Variants in FGD1 observed in about 807,000 individuals in gnomAD.
The protein encoded by FGD1 is FYVE, RhoGEF and PH domain-containing protein 1.
Under a neutral mutation model 65.0 loss-of-function variants are expected in FGD1, and 12 were observed. That is an observed-to-expected ratio of 0.18 (90% CI 0.12 to 0.30). The LOEUF is 0.30. FGD1 is among the 10% of genes least tolerant of loss of function. FGD1 has a pLI of 1.00. For synonymous variants in FGD1, 333 were observed against 343.9 expected, an observed-to-expected ratio of 0.97 and a Z score of 0.35; for missense variants, 542 against 837.6, an observed-to-expected ratio of 0.65 and a Z score of 4.36.
chrX:54,460,623 C>T (rs1432682837), intron 8 of FGD1, among the ~76,000 whole-genome samples: 1 of 111,263 alleles, frequency 9.0e-6, no homozygotes, highest in Non-Finnish European at 1.9e-5. Context: ...TGCCTGTAAT[C>T]CCAGCTACTT....
intron 5 of FGD1, 109 bp from the exon 6 acceptor site, chrX:54,468,041 G>T: frequency 1.4e-6 from 1 of 693,562 alleles, no homozygotes; most frequent in Non-Finnish European, 2.2e-6. Flanking sequence ...ATCAGCATTG[G>T]TCTTGAGACT....
intron 1 of FGD1, among the ~76,000 whole-genome samples, chrX:54,486,764 G>A (rs953652201): frequency 3.8e-5 from 4 of 105,416 alleles, no homozygotes; most frequent in Non-Finnish European, 5.9e-5. Context: ...CAAGGCGGGC[G>A]GATCACAAGG....
chrX:54,455,969 C>T (rs1321021236), intron 10 of FGD1, among the ~76,000 whole-genome samples, 185 bp from the exon 11 acceptor site: 2 of 112,059 alleles, frequency 1.8e-5, no homozygotes, highest in African/African-American at 6.5e-5. Flanking sequence ...TGGGGAACCT[C>T]GGGCAAGTCA....
chrX:54,462,416 G>A (rs1167462593), intron 8 of FGD1, among the ~76,000 whole-genome samples: 1 of 88,392 alleles, frequency 1.1e-5, no homozygotes, highest in African/African-American at 4.4e-5. Flanking sequence ...TTTTTGAGAT[G>A]GAGTCTCACT....
At chrX:54,452,702 C>T (rs1922408674) in intron 12 of FGD1, among the ~76,000 whole-genome samples, 2 of 111,320 alleles carry the variant, frequency 1.8e-5, no homozygotes, top group African/African-American at 6.5e-5. Flanking sequence ...GCCGAGATGG[C>T]GCCACTGCAC....
Position 54,449,282 on chromosome X carries a change from C to G in FGD1, c.2149-14G>C, listed in dbSNP as rs1238754018. On this transcript the variant is annotated splice_polypyrimidine_tract_variant and intron_variant, in intron 14 of 17. Transcript: ENST00000375135. ...AAGATCCACGTTCTGTAGGGAGGGC[C>G]AGGTCTCAGGTCAGAGACAGCTACT... 8.3e-7 allele frequency: 1 copy of G among 1,210,246 alleles called. No homozygotes were observed.
intron 1 of FGD1, among the ~76,000 whole-genome samples, chrX:54,480,657 CTT>C (rs1474828783): frequency 5.9e-5 from 6 of 100,946 alleles, no homozygotes; most frequent in Non-Finnish European, 6.1e-5. Context: ...GATTTTTCTT[CTT>C]TTTTTTTTTT....
At chrX:54,456,613 G>A (rs770723635) in intron 8 of FGD1, 46 bp from the exon 9 acceptor site, 72 of 1,063,986 alleles carry the variant, frequency 6.8e-5, no homozygotes, top group Non-Finnish European at 9.0e-5. Context: ...TAGCAGAGAG[G>A]AGCCTTTCCG....
chrX:54,491,779 T>C (rs1405593827), intron 1 of FGD1, among the ~76,000 whole-genome samples: 2 of 111,218 alleles, frequency 1.8e-5, no homozygotes, highest in African/African-American at 6.5e-5. Flanking sequence ...ATTCTGATGC[T>C]CACTCAGTTA....
At chrX:54,464,863 G>A (rs895534044) in intron 8 of FGD1, among the ~76,000 whole-genome samples, 8 of 109,936 alleles carry the variant, frequency 7.3e-5, no homozygotes, top group African/African-American at 2.3e-4. Context: ...TGGCGGACAT[G>A]GAGGAAAGCT....
chrX:54,484,686 A>G (rs1923232222), intron 1 of FGD1, among the ~76,000 whole-genome samples: 1 of 112,289 alleles, frequency 8.9e-6, no homozygotes, highest in African/African-American at 3.2e-5. Context: ...GTGTTTTCAG[A>G]CACCGTTTGG....
rs58297795 is a variant in FGD1 at position 54,471,007 on chromosome X, C to CA, written c.482-248dup. ...CTGGTGACAGAGTGAGATTCTGTCT[C>CA]AAAAAAAAAAAAAAAAAAAGCTGGA... On this transcript the variant is annotated intron_variant, in intron 2 of 17. Transcript: ENST00000375135. 0.13 allele frequency among the ~76,000 whole-genome samples: 6,138 copies of CA among 46,147 alleles called. 536 individuals are homozygous for CA. Among genetic ancestry groups the CA allele is most frequent in the African/African-American group, 0.27 (4,376 of 16,175 alleles). The allele number at this position is 46,147 out of a possible 115,157, so 40.1% of individuals were successfully genotyped here.
At chrX:54,451,692 C>T (rs1306416727) in intron 12 of FGD1, among the ~76,000 whole-genome samples, 4 of 107,289 alleles carry the variant, frequency 3.7e-5, no homozygotes, top group African/African-American at 1.3e-4. Flanking sequence ...CACCTGAGGT[C>T]AGCCTAGCCA....
chrX:54,479,160 G>A (rs1364281596), intron 1 of FGD1, among the ~76,000 whole-genome samples: 1 of 112,770 alleles, frequency 8.9e-6, no homozygotes, highest in African/African-American at 3.2e-5. Context: ...CTGAGCACAT[G>A]CTTCTGGGTT....
intron 1 of FGD1, among the ~76,000 whole-genome samples, chrX:54,483,493 T>C (rs921993106): frequency 2.7e-5 from 3 of 112,575 alleles, no homozygotes; most frequent in Non-Finnish European, 5.6e-5. Context: ...CCTTTCCCGC[T>C]TTCCACAGGC....
At chrX:54,454,270 G>T (rs1039017225) in intron 12 of FGD1, among the ~76,000 whole-genome samples, 2 of 111,687 alleles carry the variant, frequency 1.8e-5, no homozygotes, top group Admixed American at 1.9e-4. Context: ...CTACAAACCT[G>T]TAAAGCATGT....
At chrX:54,477,804 A>AT (rs1569541353) in intron 1 of FGD1, among the ~76,000 whole-genome samples, 4 of 111,796 alleles carry the variant, frequency 3.6e-5, no homozygotes, top group Admixed American at 9.5e-5. Flanking sequence ...TATACTAACA[A>AT]TTTCTTAAGC....
At chrX:54,449,006 G>A (rs1451346064) in intron 15 of FGD1, 39 bp from the exon 16 acceptor site, 3 of 1,202,978 alleles carry the variant, frequency 2.5e-6, no homozygotes, top group South Asian at 3.6e-5. Flanking sequence ...TGATTCCAGC[G>A]GGTCTTCCCT....
chrX:54,465,405 C>T, intron 8 of FGD1, 46 bp downstream of exon 8: 1 of 1,181,445 alleles, frequency 8.5e-7, no homozygotes, highest in Non-Finnish European at 1.1e-6. Flanking sequence ...TGGCCTAGAG[C>T]TATTAGTGTG....
Sources: gnomAD v4.1 joint callset for allele counts (sites outside exome capture counted in the v4.1 genomes callset) on GRCh38, gnomAD v4.1.1 for gene constraint, MANE v1.5 for transcripts, NCBI Gene and HGNC (gene_info 2026-07-23, HGNC 2026-07-21) for gene names.